Variants in DGKI observed in about 807,000 individuals in gnomAD.
DGKI encodes the protein DAG kinase iota.
Under a neutral mutation model 147.5 loss-of-function variants are expected in DGKI, and 55 were observed. The ratio of observed to expected loss-of-function variants is 0.37; its 90% CI spans 0.30 to 0.47. DGKI has a LOEUF of 0.47. Among genes scored for constraint, DGKI ranks in the 20% least tolerant of loss-of-function variants. The pLI is 1.00. For missense variants in DGKI, 1,007 were observed against 1,323.8 expected (o/e 0.76, Z 3.71); for synonymous variants, 469 against 477.1 (o/e 0.98, Z 0.22).
intron 3 of DGKI, among the ~76,000 whole-genome samples, chr7:137,672,745 T>A (rs1585354372): frequency 6.9e-6 from 1 of 145,022 alleles, no homozygotes; most frequent in East Asian, 2.0e-4. Flanking sequence ...CCTTCTTCTC[T>A]GTGTGTGTGT....
intron 1 of DGKI, among the ~76,000 whole-genome samples, chr7:137,693,997 T>C (rs181025423): frequency 3.3e-4 from 51 of 152,350 alleles, no homozygotes; most frequent in Admixed American, 1.3e-3. Context: ...ATGAAACATG[T>C]GGCATATACT....
intron 2 of DGKI, among the ~76,000 whole-genome samples, chr7:137,689,046 T>C (rs1339073665): frequency 3.9e-5 from 6 of 152,174 alleles, no homozygotes; most frequent in Non-Finnish European, 8.8e-5. Flanking sequence ...ACAGAGGATA[T>C]CAAATCATGG....
At chr7:137,731,222 C>T (rs757485900) in intron 1 of DGKI, among the ~76,000 whole-genome samples, 1 of 152,038 alleles carries the variant, frequency 6.6e-6, no homozygotes, top group Non-Finnish European at 1.5e-5. Flanking sequence ...AACATTTACC[C>T]TCTTCCAAAC....
At chr7:137,750,549 G>GCT (rs1330563754) in intron 1 of DGKI, among the ~76,000 whole-genome samples, 3 of 152,162 alleles carry the variant, frequency 2.0e-5, no homozygotes, top group African/African-American at 7.2e-5. Flanking sequence ...CCTGTGGGCT[G>GCT]TTTTCCCAAT....
chr7:137,842,328 C>T (rs527296863), intron 1 of DGKI, among the ~76,000 whole-genome samples: 15 of 152,250 alleles, frequency 9.9e-5, no homozygotes, highest in East Asian at 3.9e-4. Context: ...ACAAAACACA[C>T]GCAAAAAAAC....
At chr7:137,736,794 T>C (rs1420654910) in intron 1 of DGKI, among the ~76,000 whole-genome samples, 2 of 152,086 alleles carry the variant, frequency 1.3e-5, no homozygotes, top group Admixed American at 6.6e-5. Flanking sequence ...ATTTTGTCAA[T>C]CAAGACCTTG....
Position 137,721,919 on chromosome 7 carries a change from A to T in DGKI, c.402-31917T>A, listed in dbSNP as rs192493647. 3.4e-4 allele frequency: 331 copies of T among 984,642 alleles called. 1 individual carries two copies. The highest frequency in any genetic ancestry group is 4.5e-4 in the Non-Finnish European group (309 of 682,440). 61.0% of individuals were successfully genotyped at this position (984,642 alleles called of 1,614,324 possible). A position where few individuals can be genotyped will look rare whatever the true frequency, so the allele number is the denominator to read the frequency against. ...CCTAATTCCAATCCTCCATCAAGCC[A>T]GCTAATACTCCATCCTCAGTCCTCA... On this transcript the variant is annotated intron_variant, in intron 1 of 32. Coordinates refer to ENST00000614521, the MANE Select transcript of DGKI (RefSeq NM_001321708.2).
At chr7:137,656,410 T>G in intron 4 of DGKI, 56 bp downstream of exon 4, 1 of 1,582,688 alleles carries the variant, frequency 6.3e-7, no homozygotes, top group African/African-American at 1.3e-5. Context: ...ACACCGGGCC[T>G]CTGAAGACCA....
At chr7:137,462,271 G>C (rs1178058072) in intron 27 of DGKI, among the ~76,000 whole-genome samples, 1 of 152,136 alleles carries the variant, frequency 6.6e-6, no homozygotes, top group African/African-American at 2.4e-5. Flanking sequence ...GTGGGTGGCT[G>C]ACTCACCCTG....
At chr7:137,633,823 A>T (rs1420254569) in intron 6 of DGKI, among the ~76,000 whole-genome samples, 1 of 152,270 alleles carries the variant, frequency 6.6e-6, no homozygotes, top group African/African-American at 2.4e-5. Context: ...ACATTTTTAC[A>T]GGCATGTACC....
At chr7:137,624,639 CT>C (rs1360847200) in intron 6 of DGKI, among the ~76,000 whole-genome samples, 5 of 151,682 alleles carry the variant, frequency 3.3e-5, no homozygotes, top group Non-Finnish European at 7.4e-5. Context: ...GGATCTTGGT[CT>C]GTAGCCCAGG....
At chr7:137,702,940 T>A (rs960944313) in intron 1 of DGKI, among the ~76,000 whole-genome samples, 2 of 152,144 alleles carry the variant, frequency 1.3e-5, no homozygotes, top group African/African-American at 2.4e-5. Flanking sequence ...GCAAAAATCT[T>A]AAAAGGAAAA....
In DGKI at chr7:137,428,170, G is replaced by A. The variant is rs1297021982; in HGVS notation, c.2761+15907C>T. Among the ~76,000 whole-genome samples, 31 of 145,318 alleles carry A rather than the reference G, an allele frequency of 2.1e-4. No individual in the cohort carries two copies. In the South Asian group the frequency reaches 3.2e-3, roughly 15 times the overall value. On this transcript the variant is annotated intron_variant, in intron 28 of 32. Coordinates refer to ENST00000614521, the MANE Select transcript of DGKI (RefSeq NM_001321708.2). ...ATCCTCAATAAAATACTGGCAAAAC[G>A]AATCCAGCAGCACATCAAAAAGCTT...
chr7:137,664,849 A>C (rs908068594), intron 3 of DGKI, among the ~76,000 whole-genome samples: 1 of 152,234 alleles, frequency 6.6e-6, no homozygotes, highest in African/African-American at 2.4e-5. Context: ...ACTAAAAAGA[A>C]AATTAAAGAG....
intron 1 of DGKI, among the ~76,000 whole-genome samples, chr7:137,720,579 A>G (rs1447418918): frequency 1.3e-5 from 2 of 152,036 alleles, no homozygotes; most frequent in South Asian, 2.1e-4. Context: ...GAGTCCTTAT[A>G]ATAATTTGCC....
intron 20 of DGKI, among the ~76,000 whole-genome samples, chr7:137,537,640 G>A (rs538163169): frequency 1.3e-5 from 2 of 152,172 alleles, no homozygotes; most frequent in South Asian, 2.1e-4. Context: ...TATAATCCAC[G>A]AATCAGAATC....
rs1312714208 is a variant in DGKI at position 137,561,991 on chromosome 7, G to T, written c.1947+9184C>A. 2.0e-5 allele frequency among the ~76,000 whole-genome samples: 3 copies of T among 152,212 alleles called. No homozygotes were observed. In the South Asian group the frequency reaches 6.2e-4, roughly 32 times the overall value. ...AGAAAAATAAAATTTAAAACTATTT[G>T]TTGCCAACAGAACTTCACTATAAGA... On this transcript the variant is annotated intron_variant, in intron 19 of 32. Transcript: ENST00000614521.
intron 1 of DGKI, among the ~76,000 whole-genome samples, chr7:137,789,134 G>C (rs1027564354): frequency 5.3e-5 from 8 of 152,120 alleles, no homozygotes; most frequent in African/African-American, 1.7e-4. Flanking sequence ...ATGAATAAAA[G>C]AGTAGGTAGA....
chr7:137,449,634 C>T (rs1201370692), intron 27 of DGKI, among the ~76,000 whole-genome samples: 2 of 151,974 alleles, frequency 1.3e-5, no homozygotes, highest in African/African-American at 4.8e-5. Flanking sequence ...TAGAGAAATG[C>T]GATTACCTCA....
Sources: allele counts gnomAD v4.1 joint callset (sites outside exome capture counted in the v4.1 genomes callset), GRCh38; gene constraint gnomAD v4.1.1; transcripts MANE v1.5; gene names NCBI Gene and HGNC (gene_info 2026-07-23, HGNC 2026-07-21).